LARP1: variants seen among roughly 807,000 people sequenced by gnomAD.
LARP1 encodes the protein La ribonucleoprotein 1, translational regulator.
In LARP1, 36 loss-of-function variants were observed where a neutral mutation model predicts 122.7. That is an observed-to-expected ratio of 0.29 (90% CI 0.22 to 0.39). The LOEUF (loss-of-function observed/expected upper bound fraction) is 0.39, where lower values mean the gene tolerates loss of function less well. LARP1 is among the 10% of genes least tolerant of loss of function. The pLI is 1.00. For synonymous variants in LARP1, 539 were observed against 528.7 expected, an observed-to-expected ratio of 1.02 and a Z score of -0.27; for missense variants, 1,040 against 1,403.6, an observed-to-expected ratio of 0.74 and a Z score of 4.14.
At chr5:154,738,976 A>C (rs776085798) in intron 1 of LARP1, among the ~76,000 whole-genome samples, 2 of 152,154 alleles carry the variant, frequency 1.3e-5, no homozygotes, top group Non-Finnish European at 2.9e-5. Flanking sequence ...AAAATAAAAA[A>C]TTGAGCTAAA....
At chr5:154,742,984 C>T (rs996759296) in intron 1 of LARP1, among the ~76,000 whole-genome samples, 5 of 152,132 alleles carry the variant, frequency 3.3e-5, no homozygotes, top group South Asian at 4.1e-4. Flanking sequence ...TCTTGTTCCA[C>T]GTCACATGAG....
intron 1 of LARP1, among the ~76,000 whole-genome samples, chr5:154,697,465 G>A (rs1247796611): frequency 6.6e-6 from 1 of 152,180 alleles, no homozygotes; most frequent in East Asian, 1.9e-4. Flanking sequence ...GTGCACAAAT[G>A]TTTGTAGCAG....
At chr5:154,805,371 T>C (rs1758688586) in intron 14 of LARP1, 2 of 194,940 alleles carry the variant, frequency 1.0e-5, no homozygotes, top group Admixed American at 5.7e-5. Flanking sequence ...GGAATCATCA[T>C]AAAGGTCCTC....
chr5:154,785,295 T>C, intron 1 of LARP1, among the ~76,000 whole-genome samples: 1 of 152,218 alleles, frequency 6.6e-6, no homozygotes, highest in African/African-American at 2.4e-5. Context: ...GTCTGGACTG[T>C]ATGAATTGAA....
chr5:154,775,402 A>T (rs896237732), intron 1 of LARP1, among the ~76,000 whole-genome samples: 4 of 151,108 alleles, frequency 2.6e-5, no homozygotes, highest in African/African-American at 9.7e-5. Context: ...CTAAGGTGGG[A>T]GGATCACCTG....
intron 1 of LARP1, among the ~76,000 whole-genome samples, chr5:154,743,850 C>T (rs973377923): frequency 1.5e-4 from 23 of 152,146 alleles, no homozygotes; most frequent in African/African-American, 5.6e-4. Context: ...CAACTCCCCA[C>T]CTCAAGTGAA....
intron 1 of LARP1, chr5:154,756,522 T>TG (rs907785478): frequency 1.0e-6 from 1 of 985,128 alleles, no homozygotes; most frequent in African/African-American, 1.7e-5. Context: ...CGCATGCTGG[T>TG]GTAAGAGACG....
At chr5:154,755,226 T>G (rs1455229625), upstream of LARP1, among the ~76,000 whole-genome samples, 2 of 133,124 alleles carry the variant, frequency 1.5e-5, no homozygotes, top group Admixed American at 7.3e-5. Flanking sequence ...TCCCGCCGCC[T>G]CCTGCCCGCC....
intron 1 of LARP1, among the ~76,000 whole-genome samples, chr5:154,759,774 A>G (rs1754294664): frequency 6.6e-6 from 1 of 151,754 alleles, no homozygotes; most frequent in African/African-American, 2.4e-5. Context: ...TACCCATACA[A>G]CCATGGTTTT....
intron 1 of LARP1, among the ~76,000 whole-genome samples, chr5:154,784,511 A>G (rs1756729962): frequency 6.6e-6 from 1 of 152,212 alleles, no homozygotes. Context: ...GCCAATCTCC[A>G]GGAGATGATA....
chr5:154,751,536 T>G (rs879934936), upstream of LARP1, among the ~76,000 whole-genome samples: 1 of 152,232 alleles, frequency 6.6e-6, no homozygotes, highest in Non-Finnish European at 1.5e-5. Flanking sequence ...TCATTACTCC[T>G]GACTATTTGG....
At chr5:154,796,224 A>C (rs1445393937) in intron 8 of LARP1, among the ~76,000 whole-genome samples, 1 of 140,646 alleles carries the variant, frequency 7.1e-6, no homozygotes, top group East Asian at 2.0e-4. Flanking sequence ...TCAGAATCCA[A>C]ATAATACCTA....
In LARP1 at chr5:154,755,931, G is replaced by T. The variant is rs1233828611; in HGVS notation, c.174G>T (p.Pro58=). Residue 58 remains proline, a synonymous_variant, in exon 1 of 19, where the codon CCG becomes CCT. Coordinates refer to ENST00000518297, the MANE Select transcript of LARP1 (RefSeq NM_033551.3). The part of the protein sequence containing the change: ...EPDGSARRPR[P]PCAKPHKEGT... ...ACGGCAGCGCTCGGAGACCCCGGCC[G>T]CCCTGCGCCAAGCCGCACAAGGAGG... The T allele has an allele frequency of 1.0e-6, 1 of 1,001,888 alleles. No individual in the cohort carries two copies. The highest frequency in any genetic ancestry group is 4.0e-5 in the South Asian group (1 of 25,056). The allele number at this position is 1,001,888 out of a possible 1,614,324, so 62.1% of individuals were successfully genotyped here. A position where few individuals can be genotyped will look rare whatever the true frequency, so the allele number is the denominator to read the frequency against.
chr5:154,777,239 G>A (rs1162986560), intron 1 of LARP1, among the ~76,000 whole-genome samples: 1 of 152,152 alleles, frequency 6.6e-6, no homozygotes, highest in Non-Finnish European at 1.5e-5. Flanking sequence ...GGTGGCTCAT[G>A]CCTGTAATCC....
chr5:154,712,912 G>T (rs200552155), exon 1 of LARP1: 17 of 1,611,826 alleles, frequency 1.1e-5, no homozygotes, highest in Non-Finnish European at 1.3e-5. Flanking sequence ...GTGACCCCAG[G>T]CCCTGGTCAC....
At chr5:154,740,993 C>A (rs1299654358) in intron 1 of LARP1, among the ~76,000 whole-genome samples, 1 of 152,214 alleles carries the variant, frequency 6.6e-6, no homozygotes, top group Non-Finnish European at 1.5e-5. Context: ...TCCTCAGGGG[C>A]ACTGGGATCA....
At chr5:154,748,172 A>G (rs1207854748) in intron 1 of LARP1, among the ~76,000 whole-genome samples, 1 of 152,216 alleles carries the variant, frequency 6.6e-6, no homozygotes, top group African/African-American at 2.4e-5. Flanking sequence ...CCAGTTTGCT[A>G]AAGTTAGCCT....
intron 1 of LARP1, chr5:154,729,400 C>G: frequency 3.0e-6 from 1 of 328,732 alleles, no homozygotes; most frequent in Admixed American, 3.5e-5. Context: ...GTTACCATGG[C>G]AAAACTGAAG....
chr5:154,752,586 C>T (rs763658702), upstream of LARP1, among the ~76,000 whole-genome samples: 12 of 151,974 alleles, frequency 7.9e-5, no homozygotes, highest in Non-Finnish European at 1.3e-4. Flanking sequence ...ATCTGCAAAA[C>T]AAGGAGAATG....
Sources: gnomAD v4.1 joint callset for allele counts (sites outside exome capture counted in the v4.1 genomes callset) on GRCh38, gnomAD v4.1.1 for gene constraint, MANE v1.5 for transcripts, NCBI Gene and HGNC (gene_info 2026-07-23, HGNC 2026-07-21) for gene names.